Variants in FLT1 observed in about 807,000 individuals in gnomAD.
FLT1 encodes vascular endothelial growth factor receptor 1.
A neutral mutation model predicts 156.3 loss-of-function variants in FLT1; 49 were observed. That is an observed-to-expected ratio of 0.31 (90% CI 0.25 to 0.40). The LOEUF (loss-of-function observed/expected upper bound fraction) is 0.40. Ranked by LOEUF, FLT1 falls within the 10% of genes least tolerant of loss-of-function variation. The pLI is 1.00. For missense variants in FLT1, 1,322 were observed against 1,637.2 expected (o/e 0.81, Z 3.32); for synonymous variants, 594 against 583.8 (o/e 1.02, Z -0.25).
intron 10 of FLT1, among the ~76,000 whole-genome samples, chr13:28,415,900 T>C (rs967880327): frequency 2.0e-5 from 3 of 152,228 alleles, no homozygotes; most frequent in African/African-American, 7.2e-5. Flanking sequence ...TGCAAATATA[T>C]TTCCTGGGAG....
At chr13:28,428,043 T>C (rs1306398723) in intron 8 of FLT1, 122 bp from the exon 9 acceptor site, 1 of 820,264 alleles carries the variant, frequency 1.2e-6, no homozygotes, top group Non-Finnish European at 2.0e-6. Context: ...TCATCAGTGT[T>C]GATTTTTAAA....
At chr13:28,461,680 T>C (rs1398873754) in intron 3 of FLT1, among the ~76,000 whole-genome samples, 1 of 151,874 alleles carries the variant, frequency 6.6e-6, no homozygotes, top group Non-Finnish European at 1.5e-5. Flanking sequence ...GGATTTCTAC[T>C]TGCTCAAGGT....
At chr13:28,490,605 A>G (rs959391510) in intron 1 of FLT1, among the ~76,000 whole-genome samples, 2 of 152,190 alleles carry the variant, frequency 1.3e-5, no homozygotes, top group African/African-American at 2.4e-5. Context: ...GTGATCCTGG[A>G]AAGCATCTGG....
rs1874276318 is a variant in FLT1 at position 28,385,015 on chromosome 13, G to A, written c.1986C>T (p.Tyr662=). 3.1e-6 allele frequency: 5 copies of A among 1,614,020 alleles called. No homozygotes were observed. The highest frequency in any genetic ancestry group is 1.1e-5 in the South Asian group (1 of 91,080). ...EITIRDQEAP[Y]LLRNLSDHTV... is the part of the protein sequence containing the mutation. Reference sequence around the variant, plus strand: ...TGTGATCACTGAGGTTTCGCAGGAGGTATGGTGCTTCCTGATCTAGTGAAG... The same window carrying A: ...TGTGATCACTGAGGTTTCGCAGGAGATATGGTGCTTCCTGATCTAGTGAAG... Residue 662 remains tyrosine, a synonymous_variant, in exon 14 of 30, where the codon TAC becomes TAT. Coordinates refer to ENST00000282397, the MANE Select transcript of FLT1 (RefSeq NM_002019.4).
At chr13:28,458,268 A>T (rs1434076893) in intron 3 of FLT1, among the ~76,000 whole-genome samples, 2 of 152,018 alleles carry the variant, frequency 1.3e-5, no homozygotes, top group Non-Finnish European at 2.9e-5. Context: ...CAACTTTTCA[A>T]AGCCTTAAAT....
In FLT1 at chr13:28,344,599, C is replaced by A. The variant is rs1041455930; in HGVS notation, c.2355+846G>T. On this transcript the variant is annotated intron_variant, in intron 16 of 29. Coordinates refer to ENST00000282397, the MANE Select transcript of FLT1 (RefSeq NM_002019.4). ...ATGAATGAATGAATAAATGTAAGCT[C>A]TTTTCCCACTGGATTTCAGAGAAGC... Among the ~76,000 whole-genome samples the A allele has an allele frequency of 2.0e-5, 3 of 152,128 alleles. No homozygotes were observed. In the South Asian group the frequency reaches 6.2e-4, roughly 32 times the overall value.
intron 14 of FLT1, among the ~76,000 whole-genome samples, chr13:28,384,286 T>C (rs61763190): frequency 0.01 from 1,571 of 151,746 alleles, 30 homozygotes; most frequent in African/African-American, 0.036. Flanking sequence ...ATACAAAAAT[T>C]AGCCTGGCAT....
chr13:28,409,529 T>C (rs1876017118), intron 10 of FLT1, among the ~76,000 whole-genome samples: 1 of 151,952 alleles, frequency 6.6e-6, no homozygotes, highest in Non-Finnish European at 1.5e-5. Flanking sequence ...GAGATGGGGT[T>C]TAACCATGTT....
intron 14 of FLT1, 65 bp downstream of exon 14, chr13:28,384,820 G>T: frequency 6.6e-7 from 1 of 1,513,530 alleles, no homozygotes; most frequent in Non-Finnish European, 9.2e-7. Flanking sequence ...TGACGGGACT[G>T]TTAAGGGAAA....
chr13:28,426,203 A>G (rs1469370820), intron 10 of FLT1, among the ~76,000 whole-genome samples: 1 of 151,740 alleles, frequency 6.6e-6, no homozygotes, highest in Non-Finnish European at 1.5e-5. Flanking sequence ...AATAAGGAAA[A>G]TAGTTTGGCA....
intron 24 of FLT1, among the ~76,000 whole-genome samples, chr13:28,318,463 T>C (rs1030490953): frequency 1.3e-5 from 2 of 152,178 alleles, no homozygotes; most frequent in Admixed American, 1.3e-4. Flanking sequence ...CAAGGCCTTC[T>C]AATGCACTCT....
intron 3 of FLT1, among the ~76,000 whole-genome samples, chr13:28,447,336 A>C (rs1240357943): frequency 3.4e-5 from 5 of 149,204 alleles, no homozygotes; most frequent in Admixed American, 2.7e-4. Flanking sequence ...GTGCCACCAC[A>C]CCCAGCTAAT....
chr13:28,327,971 C>G (rs996880203), intron 19 of FLT1, among the ~76,000 whole-genome samples: 1 of 152,148 alleles, frequency 6.6e-6, no homozygotes, highest in Non-Finnish European at 1.5e-5. Flanking sequence ...ACGACAGAGA[C>G]GGCTACCTGG....
Position 28,357,318 on chromosome 13 carries a change from G to A in FLT1, c.2248+236C>T, listed in dbSNP as rs56210514. Among the ~76,000 whole-genome samples, 542 of 152,158 alleles carry A rather than the reference G, an allele frequency of 3.6e-3. 3 individuals are homozygous for A. Among genetic ancestry groups the A allele is most frequent in the Non-Finnish European group, 6.4e-3 (437 of 68,020 alleles). ...CTTTCTTCTGGGAACGACTTCTCCC[G>A]CAGACACTGTGTTCGGATTTTGGGC... On this transcript the variant is annotated intron_variant, in intron 15 of 29. Coordinates refer to ENST00000282397, the MANE Select transcript of FLT1 (RefSeq NM_002019.4).
At chr13:28,399,109 C>T in intron 11 of FLT1, 1 of 1,550,090 alleles carries the variant, frequency 6.5e-7, no homozygotes, top group Non-Finnish European at 8.7e-7. Flanking sequence ...GAACTGTTAG[C>T]TGGTGGAAGC....
At chr13:28,398,380 T>C (rs539889745) in intron 11 of FLT1, among the ~76,000 whole-genome samples, 29 of 152,358 alleles carry the variant, frequency 1.9e-4, no homozygotes, top group African/African-American at 7.0e-4. Flanking sequence ...GGACATACTC[T>C]ACAAGTGGTT....
At chr13:28,475,871 A>G (rs1199288422) in intron 1 of FLT1, among the ~76,000 whole-genome samples, 2 of 152,196 alleles carry the variant, frequency 1.3e-5, no homozygotes, top group African/African-American at 2.4e-5. Flanking sequence ...GATGAAGAGC[A>G]TTATAATGTC....
chr13:28,471,787 A>G (rs1035713644), intron 1 of FLT1, among the ~76,000 whole-genome samples: 1 of 152,250 alleles, frequency 6.6e-6, no homozygotes, highest in African/African-American at 2.4e-5. Context: ...TGTCCTCCCA[A>G]TAAATGATCT....
chr13:28,320,543 ATT>A (rs553762800), intron 23 of FLT1, among the ~76,000 whole-genome samples: 2 of 131,290 alleles, frequency 1.5e-5, no homozygotes. Flanking sequence ...ATTTGTTTGC[ATT>A]TTTTTTTTTT....
Sources: allele counts gnomAD v4.1 joint callset (sites outside exome capture counted in the v4.1 genomes callset), GRCh38; gene constraint gnomAD v4.1.1; transcripts MANE v1.5; gene names NCBI Gene and HGNC (gene_info 2026-07-23, HGNC 2026-07-21).